The following NKAIN3 variants were observed in gnomAD, a reference collection of about 807,000 sequenced individuals.
NKAIN3 encodes the protein sodium/potassium transporting ATPase interacting 3, also known as sodium/potassium-transporting ATPase subunit beta-1-interacting protein 3.
A neutral mutation model predicts 30.2 loss-of-function variants in NKAIN3; 25 were observed. The observed-to-expected ratio is 0.83, with a 90% CI of 0.60 to 1.16. The LOEUF (loss-of-function observed/expected upper bound fraction) is 1.16, where lower values mean the gene tolerates loss of function less well. Among genes scored for constraint, NKAIN3 ranks in the 50% most tolerant of loss-of-function variants. The pLI, the probability that NKAIN3 is intolerant of heterozygous loss-of-function variation, is 0.00. For missense variants in NKAIN3, 225 were observed against 254.1 expected (o/e 0.89, Z 0.78); for synonymous variants, 91 against 89.6 (o/e 1.02, Z -0.09).
chr8:62,344,862 A>G, intron 1 of NKAIN3: 1 of 440,392 alleles, frequency 2.3e-6, no homozygotes, highest in Non-Finnish European at 4.5e-6. Flanking sequence ...GGGTATTTTG[A>G]TAGGGATTGC....
chr8:62,304,904 G>A lies in NKAIN3; in HGVS notation c.54+55777G>A, dbSNP rs111730837. On this transcript the variant is annotated intron_variant, in intron 1 of 6. Coordinates refer to ENST00000623646, the MANE Select transcript of NKAIN3 (RefSeq NM_001304533.3). ...GTGGACCAAATCTTGCATTATAAAGGCTCAGTTGTACTGGAAAGTGTCAGA... is the reference window on the plus strand; with the variant it reads ...GTGGACCAAATCTTGCATTATAAAGACTCAGTTGTACTGGAAAGTGTCAGA... Among the ~76,000 whole-genome samples, 687 of 150,556 alleles carry A rather than the reference G, an allele frequency of 4.6e-3. 63 individuals carry two copies. Among genetic ancestry groups the A allele is most frequent in the African/African-American group, 0.016 (645 of 39,984 alleles).
At position 62,726,459 on chromosome 8, in the gene NKAIN3, C is replaced by T. The variant is rs137934491; in HGVS notation, c.274-20473C>T. On this transcript the variant is annotated intron_variant, in intron 3 of 6. Transcript: ENST00000623646. ...ATTATATGGCTTTTCTTAACGTTGA[C>T]GTATGTTTCTTCTTTACCCAATTTT... 8.5e-4 allele frequency among the ~76,000 whole-genome samples: 129 copies of T among 151,962 alleles called. 1 individual carries two copies. The Middle Eastern group carries it at 0.01, about 12-fold the overall frequency.
intron 1 of NKAIN3, among the ~76,000 whole-genome samples, chr8:62,399,687 A>G (rs1817875711): frequency 6.6e-6 from 1 of 152,202 alleles, no homozygotes; most frequent in South Asian, 2.1e-4. Context: ...GAATGTATGA[A>G]TCTCATTAAC....
intron 5 of NKAIN3, among the ~76,000 whole-genome samples, chr8:62,927,570 G>A (rs1902236): frequency 6.6e-6 from 1 of 151,926 alleles, no homozygotes; most frequent in Non-Finnish European, 1.5e-5. Flanking sequence ...TTATAGGCAT[G>A]TATTAAATTA....
intron 1 of NKAIN3, among the ~76,000 whole-genome samples, chr8:62,516,878 C>A (rs113405509): frequency 2.7e-3 from 413 of 152,064 alleles, no homozygotes; most frequent in African/African-American, 8.6e-3. Context: ...TCACATGTAC[C>A]CAAATGTGCA....
chr8:62,418,747 C>T (rs1425135482), intron 1 of NKAIN3, among the ~76,000 whole-genome samples: 19 of 152,092 alleles, frequency 1.2e-4, no homozygotes, highest in Admixed American at 1.2e-3. Context: ...CGCTTTGAAT[C>T]CCTTGAGTAT....
chr8:62,641,331 G>A (rs949800167), intron 3 of NKAIN3, among the ~76,000 whole-genome samples: 1 of 152,140 alleles, frequency 6.6e-6, no homozygotes, highest in African/African-American at 2.4e-5. Flanking sequence ...CTCTATTGCT[G>A]TGTGTCTTGC....
chr8:62,703,859 T>A (rs1426956247), intron 3 of NKAIN3, among the ~76,000 whole-genome samples: 1 of 152,236 alleles, frequency 6.6e-6, no homozygotes, highest in Non-Finnish European at 1.5e-5. Flanking sequence ...CCAGTATCAC[T>A]GGTAAGAAAG....
chr8:62,956,057 T>C (rs1431857340), intron 6 of NKAIN3, among the ~76,000 whole-genome samples: 7 of 152,344 alleles, frequency 4.6e-5, no homozygotes, highest in South Asian at 2.1e-4. Flanking sequence ...ATTGAAATCA[T>C]TGTGCATGAA....
intron 1 of NKAIN3, among the ~76,000 whole-genome samples, chr8:62,312,748 A>G (rs923388909): frequency 6.6e-6 from 1 of 151,646 alleles, no homozygotes; most frequent in Non-Finnish European, 1.5e-5. Context: ...GCCTGGGGAG[A>G]TAGAGGCTCT....
chr8:62,302,796 C>CA (rs1814094678), intron 1 of NKAIN3, among the ~76,000 whole-genome samples: 1 of 142,094 alleles, frequency 7.0e-6, no homozygotes, highest in African/African-American at 3.1e-5. Flanking sequence ...AATGATAGGG[C>CA]TTGATCTGAT....
intron 4 of NKAIN3, among the ~76,000 whole-genome samples, chr8:62,897,137 A>C (rs986119063): frequency 4.6e-5 from 7 of 152,176 alleles, no homozygotes; most frequent in Non-Finnish European, 1.0e-4. Context: ...ATGAAGGAAC[A>C]CTGCAGAGGG....
intron 5 of NKAIN3, among the ~76,000 whole-genome samples, chr8:62,997,025 C>A (rs923611480): frequency 6.6e-6 from 1 of 152,182 alleles, no homozygotes; most frequent in Non-Finnish European, 1.5e-5. Flanking sequence ...CTCACAGTTC[C>A]ACTAGGTAGT....
intron 1 of NKAIN3, among the ~76,000 whole-genome samples, chr8:62,435,807 A>G (rs551928494): frequency 2.0e-4 from 31 of 152,350 alleles, no homozygotes; most frequent in Non-Finnish European, 4.0e-4. Flanking sequence ...CAAGATGTAC[A>G]TCTAAGTATT....
At chr8:62,567,591 G>A (rs1397360998) in intron 1 of NKAIN3, among the ~76,000 whole-genome samples, 1 of 152,134 alleles carries the variant, frequency 6.6e-6, no homozygotes, top group African/African-American at 2.4e-5. Context: ...GAAGGAGACA[G>A]GTGAGAAGGA....
exon 6 of NKAIN3, chr8:62,999,564 A>G (rs1034550808): frequency 1.3e-5 from 2 of 152,040 alleles, no homozygotes; most frequent in African/African-American, 2.4e-5. Context: ...GTTTGCAGAT[A>G]TTTTCTTCCA....
chr8:62,990,816 G>A (rs1438662678), intron 5 of NKAIN3: 1 of 152,140 alleles, frequency 6.6e-6, no homozygotes, highest in Non-Finnish European at 1.5e-5. Context: ...TAAACTTGGA[G>A]CAAAAGTAAA....
chr8:62,806,514 T>C (rs1037449062), intron 4 of NKAIN3, among the ~76,000 whole-genome samples: 1 of 152,108 alleles, frequency 6.6e-6, no homozygotes, highest in African/African-American at 2.4e-5. Flanking sequence ...GGGACATGGA[T>C]GAAATTGGAT....
intron 5 of NKAIN3, among the ~76,000 whole-genome samples, chr8:62,948,925 T>C (rs1823203543): frequency 6.6e-6 from 1 of 152,062 alleles, no homozygotes; most frequent in Non-Finnish European, 1.5e-5. Context: ...TACAGGAAAA[T>C]AGACTCCAGT....
Sources: allele counts gnomAD v4.1 joint callset (sites outside exome capture counted in the v4.1 genomes callset), GRCh38; gene constraint gnomAD v4.1.1; transcripts MANE v1.5; gene names NCBI Gene and HGNC (gene_info 2026-07-23, HGNC 2026-07-21).